Variants in RBMS3 observed in about 807,000 individuals in gnomAD.
RBMS3 encodes the protein RNA-binding motif, single-stranded-interacting protein 3.
A neutral mutation model predicts 66.8 loss-of-function variants in RBMS3; 27 were observed. The observed-to-expected ratio is 0.40, with a 90% CI of 0.30 to 0.56. The LOEUF is 0.56. RBMS3 is among the 20% of genes least tolerant of loss of function. The probability of loss-of-function intolerance (pLI) is 0.40; values close to 1 mark genes in which losing one functional copy is unlikely to be tolerated. For synonymous variants in RBMS3, 188 were observed against 183.0 expected (o/e 1.03, Z -0.22); for missense variants, 513 against 549.5 (o/e 0.93, Z 0.66).
At chr3:29,946,278 C>T (rs1695300017) in intron 12 of RBMS3, among the ~76,000 whole-genome samples, 1 of 151,672 alleles carries the variant, frequency 6.6e-6, no homozygotes, top group African/African-American at 2.4e-5. Context: ...CAGGCAATAG[C>T]ATTGTAATAT....
intron 12 of RBMS3, among the ~76,000 whole-genome samples, chr3:29,958,002 A>T (rs1696161317): frequency 6.6e-6 from 1 of 152,148 alleles, no homozygotes; most frequent in African/African-American, 2.4e-5. Flanking sequence ...TCATTAATGA[A>T]ATGGAATAGC....
intron 10 of RBMS3, among the ~76,000 whole-genome samples, chr3:29,928,623 C>T (rs1000934513): frequency 9.2e-5 from 14 of 152,232 alleles, no homozygotes; most frequent in Non-Finnish European, 1.8e-4. Flanking sequence ...ACATTATCTA[C>T]ACCACAACAC....
intron 1 of RBMS3, among the ~76,000 whole-genome samples, chr3:29,347,178 C>A (rs2036628213): frequency 6.6e-6 from 1 of 152,070 alleles, no homozygotes; most frequent in Non-Finnish European, 1.5e-5. Context: ...CATGCCAATT[C>A]CTGTCATTTA....
chr3:29,991,489 C>G, intron 14 of RBMS3: 1 of 384,072 alleles, frequency 2.6e-6, no homozygotes. Context: ...ATGGAAGTGA[C>G]TAGGCCATAT....
intron 2 of RBMS3, among the ~76,000 whole-genome samples, chr3:29,455,032 T>C (rs2042136020): frequency 6.6e-6 from 1 of 152,204 alleles, no homozygotes; most frequent in South Asian, 2.1e-4. Flanking sequence ...TTTGAGCCTC[T>C]ATTTACTCCA....
At chr3:29,818,002 T>A (rs964579367) in intron 6 of RBMS3, among the ~76,000 whole-genome samples, 5 of 152,150 alleles carry the variant, frequency 3.3e-5, no homozygotes, top group African/African-American at 1.2e-4. Context: ...TTATAACAAA[T>A]TGTCCTTAAC....
chr3:29,854,239 C>G (rs534526596), intron 6 of RBMS3, among the ~76,000 whole-genome samples: 4 of 152,326 alleles, frequency 2.6e-5, no homozygotes, highest in African/African-American at 9.6e-5. Context: ...ACCCCAGCCA[C>G]AGTGTGCTGC....
intron 4 of RBMS3, among the ~76,000 whole-genome samples, chr3:29,597,107 T>C (rs960295002): frequency 6.6e-6 from 1 of 152,216 alleles, no homozygotes; most frequent in Non-Finnish European, 1.5e-5. Flanking sequence ...ATAACTCTTA[T>C]ATTTTAGAAG....
At chr3:29,503,964 A>T (rs1270163133) in intron 3 of RBMS3, among the ~76,000 whole-genome samples, 2 of 152,112 alleles carry the variant, frequency 1.3e-5, no homozygotes, top group Non-Finnish European at 2.9e-5. Flanking sequence ...GAGTTAAAGC[A>T]TTACCTGAAG....
intron 3 of RBMS3, among the ~76,000 whole-genome samples, chr3:29,496,304 T>G (rs2043751262): frequency 6.6e-6 from 1 of 152,150 alleles, no homozygotes; most frequent in Non-Finnish European, 1.5e-5. Flanking sequence ...CCTTTTTTTG[T>G]GAATTTTACT....
intron 10 of RBMS3, chr3:29,927,090 T>G (rs568093574): frequency 6.6e-6 from 1 of 152,296 alleles, no homozygotes; most frequent in Non-Finnish European, 1.5e-5. Context: ...TAAACTTCCT[T>G]GGGTGGGGTG....
chr3:29,700,303 T>C (rs1458276634), intron 4 of RBMS3, among the ~76,000 whole-genome samples: 2 of 152,198 alleles, frequency 1.3e-5, no homozygotes, highest in South Asian at 2.1e-4. Context: ...AAGACAGGAA[T>C]AGTATGGAGT....
At chr3:29,988,068 C>G in intron 12 of RBMS3, 75 bp from the exon 13 acceptor site, 2 of 1,218,594 alleles carry the variant, frequency 1.6e-6, no homozygotes, top group Non-Finnish European at 2.4e-6. Flanking sequence ...CTAAAGCAGT[C>G]TCCTGTGGTA....
At chr3:29,305,726 T>A (rs1055822033) in intron 1 of RBMS3, among the ~76,000 whole-genome samples, 2 of 151,976 alleles carry the variant, frequency 1.3e-5, no homozygotes, top group Non-Finnish European at 2.9e-5. Context: ...TCAAAATAGC[T>A]TGCCTATTGT....
At chr3:29,378,657 T>G (rs192475103) in intron 1 of RBMS3, among the ~76,000 whole-genome samples, 97 of 152,314 alleles carry the variant, frequency 6.4e-4, no homozygotes, top group Middle Eastern at 3.4e-3. Flanking sequence ...AAGGTAAACA[T>G]CCAAGTGCAT....
At chr3:29,970,275 A>G (rs1474099898) in intron 12 of RBMS3, among the ~76,000 whole-genome samples, 2 of 152,164 alleles carry the variant, frequency 1.3e-5, no homozygotes. Context: ...TATAGCATTC[A>G]AGGACCAAGA....
chr3:29,962,345 T>C (rs1002709138), intron 12 of RBMS3, among the ~76,000 whole-genome samples: 5 of 151,756 alleles, frequency 3.3e-5, no homozygotes, highest in Non-Finnish European at 7.4e-5. Flanking sequence ...GAATAGTTGG[T>C]TATAACTTTT....
At position 29,731,798 on chromosome 3, in the gene RBMS3, A is replaced by C. The variant is rs1441367767; in HGVS notation, c.400-7922A>C. 3.3e-5 allele frequency among the ~76,000 whole-genome samples: 5 copies of C among 152,112 alleles called. No individual in the cohort carries two copies. The East Asian group carries it at 9.7e-4, about 29-fold the overall frequency. On this transcript the variant is annotated intron_variant, in intron 4 of 14. Coordinates refer to ENST00000383767, the MANE Select transcript of RBMS3 (RefSeq NM_001003793.3). The stretch of plus-strand genomic sequence containing the variant: ...GGTTCTTCAGAGAAACAGAACCAAT[A>C]GGATGTCTCTACCTCACTCCCTCTC...
intron 6 of RBMS3, among the ~76,000 whole-genome samples, chr3:29,821,865 T>C (rs972540482): frequency 1.3e-5 from 2 of 152,146 alleles, no homozygotes; most frequent in African/African-American, 4.8e-5. Flanking sequence ...CATCAGATTC[T>C]GATGGAAAGT....
Sources: gnomAD v4.1 joint callset for allele counts (sites outside exome capture counted in the v4.1 genomes callset) on GRCh38, gnomAD v4.1.1 for gene constraint, MANE v1.5 for transcripts, NCBI Gene and HGNC (gene_info 2026-07-23, HGNC 2026-07-21) for gene names.